Variants in CARS2 observed in about 807,000 individuals in gnomAD.
CARS2 encodes cysteinyl-tRNA synthetase 2, mitochondrial, also known as probable cysteine--tRNA ligase, mitochondrial.
CARS2 carries 52 observed loss-of-function variants against 68.8 expected under a neutral mutation model. The ratio of observed to expected loss-of-function variants is 0.76; its 90% CI spans 0.61 to 0.95. CARS2 has a LOEUF of 0.95. Ranked by LOEUF, CARS2 falls within the 40% of genes least tolerant of loss-of-function variation. The probability of loss-of-function intolerance (pLI) is 0.00; values close to 1 mark genes in which losing one functional copy is unlikely to be tolerated. For missense variants in CARS2, 780 were observed against 754.2 expected, an observed-to-expected ratio of 1.03 and a Z score of -0.40; for synonymous variants, 314 against 303.6, an observed-to-expected ratio of 1.03 and a Z score of -0.36.
rs545821852 is a variant in CARS2 at position 110,676,086 on chromosome 13, G to A, written c.785+888C>T. ...GGAGAATCGCTTGAACCTGGGAGGCGGAGGTTGCGGTGAGCCGAGATCGCA... is the reference window on the plus strand; with the variant it reads ...GGAGAATCGCTTGAACCTGGGAGGCAGAGGTTGCGGTGAGCCGAGATCGCA... On this transcript the variant is annotated intron_variant, in intron 7 of 14. Transcript: ENST00000257347. This position sits in a 1 kb window ranked among gnomAD's most constrained non-coding sequence, Gnocchi z 4.0. Among the ~76,000 whole-genome samples the A allele has an allele frequency of 6.6e-5, 10 of 152,302 alleles. No homozygotes were observed. The highest frequency in any genetic ancestry group is 2.1e-4 in the South Asian group (1 of 4,828).
rs1344969282 is a variant in CARS2, at chr13:110,683,087, A to T, written c.619T>A (p.Leu207Met). 1 of 1,602,624 alleles carries T rather than the reference A, an allele frequency of 6.2e-7. No individual in the cohort carries two copies. The highest frequency in any genetic ancestry group is 1.3e-5 in the African/African-American group (1 of 74,202). ...ACTGGACCAGGGACCACGCCGACCA[A>T]TTTGCCATACTTGTCTCCTCTAGAC... ...LKSRGDKYGK[L>M]VGVVPGPVGE... Residue 207 changes from leucine to methionine, a missense_variant, in exon 6 of 15, where the codon TTG (leucine) becomes ATG (methionine). Transcript: ENST00000257347.
At chr13:110,696,973 C>G (rs1324571397) in intron 3 of CARS2, among the ~76,000 whole-genome samples, 1 of 152,222 alleles carries the variant, frequency 6.6e-6, no homozygotes, top group Non-Finnish European at 1.5e-5. Flanking sequence ...CTCCTCCCAT[C>G]CCCTGCGGGG....
chr13:110,642,757 C>T (rs1214487102), intron 13 of CARS2: 1 of 742,752 alleles, frequency 1.3e-6, no homozygotes, highest in Admixed American at 1.8e-5. Flanking sequence ...CTGAGTGATC[C>T]TCACTCGGGA....
rs755642642 is a variant in CARS2 at position 110,677,112 on chromosome 13, GAC to G, written c.656-11_656-10del. The stretch of plus-strand genomic sequence containing the variant: ...ACGCTTGTCAGAGTCCGCTGCAGAT[GAC>G]AAACGGTACATCAGTGGGAAGAAGC... On this transcript the variant is annotated splice_polypyrimidine_tract_variant and intron_variant, in intron 6 of 14. Transcript: ENST00000257347. 6 of 1,600,484 alleles carry G rather than the reference GAC, an allele frequency of 3.7e-6. No homozygotes were observed. The African/African-American group carries it at 8.0e-5, about 21-fold the overall frequency.
rs1413334702 is a variant in CARS2, at chr13:110,705,738, C to T, written c.224+132G>A. On this transcript the variant is annotated intron_variant, in intron 1 of 14. Transcript: ENST00000257347. The surrounding 1 kb of genome is among the most constrained non-coding windows in gnomAD (Gnocchi z 4.0). ...CACCCAAACCTGCAAAAGCACCGCG[C>T]ACCCCCAGCTTCTAGAACGGCGCCC... 4 of 1,536,180 alleles carry T rather than the reference C, an allele frequency of 2.6e-6. No homozygotes were observed. Among genetic ancestry groups the T allele is most frequent in the Non-Finnish European group, 3.5e-6 (4 of 1,143,192 alleles).
intron 3 of CARS2, among the ~76,000 whole-genome samples, chr13:110,688,360 G>C (rs2063365458): frequency 6.6e-6 from 1 of 152,228 alleles, no homozygotes; most frequent in Non-Finnish European, 1.5e-5. Context: ...AAGATGAGTG[G>C]ATCGTTTGAG....
chr13:110,653,779 CAT>C lies in CARS2; in HGVS notation c.988-2681_988-2680del, dbSNP rs1005471350. On this transcript the variant is annotated intron_variant, in intron 9 of 14. Transcript: ENST00000257347. The surrounding 1 kb of genome is among the most constrained non-coding windows in gnomAD (Gnocchi z 5.6). ...GAGTTTATACGGACTAAAGGAGAAA[CAT>C]ATTATAACTTCTTCATTACACAGTA... Among the ~76,000 whole-genome samples the C allele has an allele frequency of 1.3e-5, 2 of 152,262 alleles. No homozygotes were observed. Among genetic ancestry groups the C allele is most frequent in the African/African-American group, 2.4e-5 (1 of 41,538 alleles).
At chr13:110,687,340 C>A (rs1269390240) in intron 5 of CARS2, among the ~76,000 whole-genome samples, 1 of 152,192 alleles carries the variant, frequency 6.6e-6, no homozygotes, top group African/African-American at 2.4e-5. Flanking sequence ...ATAAATACAT[C>A]CAGTTTCTCC....
intron 9 of CARS2, among the ~76,000 whole-genome samples, chr13:110,652,335 G>A (rs1395067752): frequency 1.3e-5 from 2 of 152,262 alleles, no homozygotes; most frequent in African/African-American, 4.8e-5. Flanking sequence ...GGAAACGGCG[G>A]AGTCCAGCTC....
Position 110,665,390 on chromosome 13 carries a change from G to C in CARS2, c.920-1872C>G. ...GAACCCAGGAGGCAGAGGTTGCGGT[G>C]AGCTCAGATAGTGCCACTGCACTCC... On this transcript the variant is annotated intron_variant, in intron 8 of 14. Transcript: ENST00000257347. The surrounding 1 kb of genome is among the most constrained non-coding windows in gnomAD (Gnocchi z 4.3). 1.1e-6 allele frequency: 1 copy of C among 945,812 alleles called. No homozygotes were observed. The highest frequency in any genetic ancestry group is 6.2e-5 in the Admixed American group (1 of 16,240). The allele number at this position is 945,812 out of a possible 1,614,324, so 58.6% of individuals were successfully genotyped here.
chr13:110,650,732 C>T (rs2062184541), intron 10 of CARS2: 2 of 335,426 alleles, frequency 6.0e-6, no homozygotes, highest in Admixed American at 5.0e-5. Flanking sequence ...CTTCCAATCT[C>T]CCAGTTCACA....
At position 110,670,184 on chromosome 13, in the gene CARS2, C is replaced by T. The variant is rs1186742298; in HGVS notation, c.786-2711G>A. ...AGAAACTTCTGCAGACTTAAACGTT[C>T]CTGACTGACAGCTTTGAAGAGTAGT... On this transcript the variant is annotated intron_variant, in intron 7 of 14. Coordinates refer to ENST00000257347, the MANE Select transcript of CARS2 (RefSeq NM_024537.4). The surrounding 1 kb of genome is among the most constrained non-coding windows in gnomAD (Gnocchi z 4.1). Among the ~76,000 whole-genome samples the T allele has an allele frequency of 6.6e-6, 1 of 152,218 alleles. No individual in the cohort carries two copies.
At chr13:110,706,519 T>A (rs2139950477), upstream of CARS2, 1 of 154,946 alleles carries the variant, frequency 6.5e-6, no homozygotes, top group East Asian at 1.9e-4. Context: ...GAAGCACGTG[T>A]GCATCCCAGC....
At chr13:110,699,829 G>A (rs1178264142) in intron 3 of CARS2, among the ~76,000 whole-genome samples, 1 of 152,234 alleles carries the variant, frequency 6.6e-6, no homozygotes, top group Admixed American at 6.5e-5. Flanking sequence ...CGGGGCACTG[G>A]CCCCCAGCCA....
At chr13:110,680,147 AGGGGGGGG>A (rs56104854) in intron 6 of CARS2, among the ~76,000 whole-genome samples, 13,835 of 122,748 alleles carry the variant, frequency 0.11, 889 homozygotes, top group Middle Eastern at 0.2. Context: ...TGGGAGGCCG[AGGGGGGGG>A]GGGGGGGGGG....
rs561137546 is a variant in CARS2, at chr13:110,672,813, C to T, written c.785+4161G>A. On this transcript the variant is annotated intron_variant, in intron 7 of 14. Coordinates refer to ENST00000257347, the MANE Select transcript of CARS2 (RefSeq NM_024537.4). ...GAAAAGATCAACAAAATTGATAGAC[C>T]GCTAGCAAGACTAATAAAGAAGACA... 6.7e-4 allele frequency among the ~76,000 whole-genome samples: 101 copies of T among 150,520 alleles called. 2 individuals carry two copies. The highest frequency in any genetic ancestry group is 2.1e-3 in the African/African-American group (85 of 40,922).
At chr13:110,672,998 C>T (rs2062842012) in intron 7 of CARS2, among the ~76,000 whole-genome samples, 1 of 152,152 alleles carries the variant, frequency 6.6e-6, no homozygotes, top group Non-Finnish European at 1.5e-5. Flanking sequence ...CACATACACC[C>T]TCCCAAGACT....
chr13:110,658,489 A>T (rs954304953), intron 9 of CARS2, among the ~76,000 whole-genome samples: 3 of 152,272 alleles, frequency 2.0e-5, no homozygotes, highest in African/African-American at 7.2e-5. Flanking sequence ...TGTATGGTTA[A>T]GATGATAACT....
chr13:110,644,422 A>C lies in CARS2; in HGVS notation c.1379T>G (p.Phe460Cys), dbSNP rs755858166. The C allele has an allele frequency of 6.2e-7, 1 of 1,614,080 alleles. No homozygotes were observed. Among genetic ancestry groups the C allele is most frequent in the Non-Finnish European group, 8.5e-7 (1 of 1,180,018 alleles). ...CAGAGAAATTCCAACAGTTTCAAAA[A>C]ACTGTTCAAAGTAAGAGATGATGGC... ...FGAIISYFEQ[F>C]FETVGISLAN... Residue 460 changes from phenylalanine (F) to cysteine (C), a missense_variant, in exon 13 of 15, where the codon TTT becomes TGT. Transcript: ENST00000257347.
Sources: allele counts gnomAD v4.1 joint callset (sites outside exome capture counted in the v4.1 genomes callset), GRCh38; gene constraint gnomAD v4.1.1; non-coding constraint Gnocchi (gnomAD v3.1); transcripts MANE v1.5; gene names NCBI Gene and HGNC (gene_info 2026-07-23, HGNC 2026-07-21).